Variants in EPHA6 observed in about 807,000 individuals in gnomAD.
EPHA6 encodes EPH receptor A6, also known as ephrin type-A receptor 6.
In EPHA6, 50 loss-of-function variants were observed where a neutral mutation model predicts 112.0. That is an observed-to-expected ratio of 0.45 (90% CI 0.36 to 0.56). The LOEUF is 0.56. EPHA6 is among the 20% of genes least tolerant of loss of function. The pLI is 0.00. For missense variants in EPHA6, 1,280 were observed against 1,417.4 expected (o/e 0.90, Z 1.56); for synonymous variants, 529 against 490.7 (o/e 1.08, Z -1.03).
At position 97,182,369 on chromosome 3, in the gene EPHA6, T is replaced by A. The variant is rs188889253; in HGVS notation, c.1115-43895T>A. 6.0e-5 allele frequency among the ~76,000 whole-genome samples: 9 copies of A among 149,894 alleles called. No individual in the cohort carries two copies. The East Asian group carries it at 1.6e-3, about 26-fold the overall frequency. On this transcript the variant is annotated intron_variant, in intron 3 of 17. Transcript: ENST00000389672. ...TCATATTATAATAAATATGTTTGTTTCATAATATATTATTATACTAATACA... is the reference window on the plus strand; with the variant it reads ...TCATATTATAATAAATATGTTTGTTACATAATATATTATTATACTAATACA...
rs549184760 is a variant in EPHA6, at chr3:97,625,660, A to C, written c.2575-12213A>C. On this transcript the variant is annotated intron_variant, in intron 13 of 17. Coordinates refer to ENST00000389672, the MANE Select transcript of EPHA6 (RefSeq NM_001080448.3). ...GTCTGTTTCTCCCTTCAATTCTGTC[A>C]ATTTTTGTTTCATATATTTTGATGG... 9.2e-5 allele frequency among the ~76,000 whole-genome samples: 14 copies of C among 151,708 alleles called. No individual in the cohort carries two copies. In the South Asian group the frequency reaches 2.9e-3, roughly 31 times the overall value.
intron 14 of EPHA6, among the ~76,000 whole-genome samples, chr3:97,659,710 GT>G (rs2094157979): frequency 6.6e-6 from 1 of 151,874 alleles, no homozygotes; most frequent in Non-Finnish European, 1.5e-5. Flanking sequence ...GTTACCAGAG[GT>G]CATAATAGCA....
chr3:96,945,605 T>A (rs544399850), intron 2 of EPHA6, among the ~76,000 whole-genome samples: 84 of 152,328 alleles, frequency 5.5e-4, no homozygotes, highest in Middle Eastern at 3.4e-3. Flanking sequence ...ATATTACCTA[T>A]TTTTCTAGGT....
chr3:96,981,284 C>T (rs191656942), intron 2 of EPHA6, among the ~76,000 whole-genome samples: 3,974 of 152,096 alleles, frequency 0.026, 175 homozygotes, highest in African/African-American at 0.088. Flanking sequence ...TGTCAAAGGC[C>T]TTTTCTGCAT....
intron 3 of EPHA6, among the ~76,000 whole-genome samples, chr3:97,120,925 G>T (rs894926815): frequency 1.3e-5 from 2 of 151,810 alleles, no homozygotes. Flanking sequence ...TTTAATATAT[G>T]AAAAAAATTT....
chr3:97,397,791 T>C (rs1277932055), intron 5 of EPHA6, among the ~76,000 whole-genome samples: 1 of 151,528 alleles, frequency 6.6e-6, no homozygotes, highest in African/African-American at 2.4e-5. Flanking sequence ...ATTTTAGCAA[T>C]TAAAATAATA....
intron 3 of EPHA6, among the ~76,000 whole-genome samples, chr3:97,197,242 T>A (rs2077464534): frequency 6.6e-6 from 1 of 152,112 alleles, no homozygotes; most frequent in South Asian, 2.1e-4. Context: ...ACAGAAAGAA[T>A]CTCTCCTCAT....
At chr3:97,087,938 C>A (rs1368197968) in intron 3 of EPHA6, among the ~76,000 whole-genome samples, 2 of 152,004 alleles carry the variant, frequency 1.3e-5, no homozygotes, top group African/African-American at 4.8e-5. Flanking sequence ...AATCCTAACA[C>A]TTTGGGAGGC....
intron 12 of EPHA6, 103 bp from the exon 13 acceptor site, chr3:97,610,690 A>C: frequency 1.1e-6 from 1 of 881,632 alleles, no homozygotes; most frequent in Non-Finnish European, 1.8e-6. Flanking sequence ...ATTCCTATTA[A>C]TAAAATACAA....
At chr3:96,910,699 C>G (rs1328070296) in intron 2 of EPHA6, among the ~76,000 whole-genome samples, 2 of 151,978 alleles carry the variant, frequency 1.3e-5, no homozygotes, top group African/African-American at 2.4e-5. Context: ...GAATGGTGAG[C>G]AAAGGATTGA....
At chr3:97,631,616 A>G (rs996929524) in intron 13 of EPHA6, among the ~76,000 whole-genome samples, 3 of 151,994 alleles carry the variant, frequency 2.0e-5, no homozygotes, top group Non-Finnish European at 4.4e-5. Context: ...TCATTATCCA[A>G]TAGTATTTAT....
At chr3:97,476,461 A>G (rs1463450759) in intron 8 of EPHA6, among the ~76,000 whole-genome samples, 2 of 152,182 alleles carry the variant, frequency 1.3e-5, no homozygotes, top group Non-Finnish European at 2.9e-5. Context: ...GAAAGAGCAG[A>G]AATAATAAAC....
chr3:97,366,991 G>T (rs2084773495), intron 5 of EPHA6, among the ~76,000 whole-genome samples: 1 of 152,104 alleles, frequency 6.6e-6, no homozygotes, highest in South Asian at 2.1e-4. Flanking sequence ...TGCAGGAGGA[G>T]ATATTACCAT....
chr3:97,056,277 C>G (rs897337265), intron 3 of EPHA6, among the ~76,000 whole-genome samples: 3 of 152,166 alleles, frequency 2.0e-5, no homozygotes, highest in Non-Finnish European at 4.4e-5. Flanking sequence ...TGCGAACATA[C>G]TTATTCATAC....
intron 3 of EPHA6, among the ~76,000 whole-genome samples, chr3:97,207,181 G>A (rs1024100086): frequency 1.3e-5 from 2 of 152,086 alleles, no homozygotes; most frequent in African/African-American, 4.8e-5. Context: ...TTCAAAAAAA[G>A]CTGTATCAGA....
intron 14 of EPHA6, among the ~76,000 whole-genome samples, chr3:97,662,992 T>A (rs1472452391): frequency 6.6e-6 from 1 of 152,184 alleles, no homozygotes; most frequent in Non-Finnish European, 1.5e-5. Context: ...GGAATTTACA[T>A]CCCACCAGGG....
At chr3:97,088,700 C>T (rs2046977370) in intron 3 of EPHA6, among the ~76,000 whole-genome samples, 1 of 152,114 alleles carries the variant, frequency 6.6e-6, no homozygotes, top group Non-Finnish European at 1.5e-5. Context: ...GATCTCAGTG[C>T]CTGCCTGGGA....
intron 14 of EPHA6, chr3:97,648,641 C>T (rs2094085395): frequency 1.8e-6 from 2 of 1,092,786 alleles, no homozygotes; most frequent in South Asian, 4.4e-5. Context: ...TCATGCTTAA[C>T]CTTTTAGTAA....
chr3:97,585,728 G>T (rs923338157), intron 11 of EPHA6, among the ~76,000 whole-genome samples: 1 of 152,128 alleles, frequency 6.6e-6, no homozygotes, highest in Non-Finnish European at 1.5e-5. Context: ...AGTTGTAGGG[G>T]CATGTCAAGT....
Sources: allele counts gnomAD v4.1 joint callset (sites outside exome capture counted in the v4.1 genomes callset), GRCh38; gene constraint gnomAD v4.1.1; transcripts MANE v1.5; gene names NCBI Gene and HGNC (gene_info 2026-07-23, HGNC 2026-07-21).